The following FBXL17 variants were observed in gnomAD, a reference collection of about 807,000 sequenced individuals.
FBXL17 encodes the protein F-box and leucine rich repeat protein 17.
FBXL17 carries 22 observed loss-of-function variants against 66.2 expected under a neutral mutation model. The ratio of observed to expected loss-of-function variants is 0.33; its 90% CI spans 0.24 to 0.47. The LOEUF (loss-of-function observed/expected upper bound fraction) is 0.47. Among genes scored for constraint, FBXL17 ranks in the 20% least tolerant of loss-of-function variants. The pLI is 1.00. For synonymous variants in FBXL17, 474 were observed against 400.5 expected, an observed-to-expected ratio of 1.18 and a Z score of -2.19; for missense variants, 878 against 948.2, an observed-to-expected ratio of 0.93 and a Z score of 0.97.
chr5:108,275,570 C>CTAAT (rs1757451344), intron 4 of FBXL17, among the ~76,000 whole-genome samples: 2 of 152,138 alleles, frequency 1.3e-5, no homozygotes, highest in South Asian at 2.1e-4. Context: ...TGAACAGGAA[C>CTAAT]TAATATCAAT....
intron 7 of FBXL17, among the ~76,000 whole-genome samples, chr5:107,931,527 G>C (rs758707879): frequency 6.6e-6 from 1 of 151,402 alleles, no homozygotes; most frequent in African/African-American, 2.4e-5. Flanking sequence ...TCCTCCCAAA[G>C]TGCTGGGATT....
chr5:107,983,384 A>C (rs960261349), intron 7 of FBXL17, among the ~76,000 whole-genome samples: 4 of 151,796 alleles, frequency 2.6e-5, no homozygotes, highest in African/African-American at 9.7e-5. Context: ...AGTAGAGACA[A>C]GGTCTTGCTA....
chr5:108,255,586 C>T (rs1049778940), intron 4 of FBXL17, among the ~76,000 whole-genome samples: 5 of 152,080 alleles, frequency 3.3e-5, no homozygotes, highest in Non-Finnish European at 7.4e-5. Flanking sequence ...TAGGCTTAAT[C>T]TCAGGAGTCC....
chr5:108,025,846 C>G (rs192920373), intron 6 of FBXL17, among the ~76,000 whole-genome samples: 2 of 152,100 alleles, frequency 1.3e-5, no homozygotes, highest in South Asian at 4.1e-4. Flanking sequence ...GAAGCTCATC[C>G]CCACTAATTC....
intron 5 of FBXL17, among the ~76,000 whole-genome samples, chr5:108,207,250 GA>G (rs1754160411): frequency 6.6e-6 from 1 of 152,074 alleles, no homozygotes. Flanking sequence ...TAATTTGCAT[GA>G]AATTTCCATT....
intron 7 of FBXL17, among the ~76,000 whole-genome samples, chr5:107,890,076 G>T (rs1204087046): frequency 6.6e-6 from 1 of 152,042 alleles, no homozygotes; most frequent in South Asian, 2.1e-4. Flanking sequence ...TGTAACATTC[G>T]CTGAGAACCT....
At chr5:107,896,727 C>CT in intron 7 of FBXL17, among the ~76,000 whole-genome samples, 1 of 152,140 alleles carries the variant, frequency 6.6e-6, no homozygotes, top group East Asian at 1.9e-4. Context: ...ATACTATAGA[C>CT]TGAGGTCTGC....
chr5:108,122,293 G>T lies in FBXL17; in HGVS notation c.1745+63824C>A, dbSNP rs548113461. Among the ~76,000 whole-genome samples, 40 of 152,228 alleles carry T rather than the reference G, an allele frequency of 2.6e-4. No homozygotes were observed. The South Asian group carries it at 7.9e-3, about 30-fold the overall frequency. Reference sequence around the variant, plus strand: ...CAGGCATACAGATATTAAATAACATGCTGTTAGGTCACACAGCTAATACAT... The same window carrying T: ...CAGGCATACAGATATTAAATAACATTCTGTTAGGTCACACAGCTAATACAT... On this transcript the variant is annotated intron_variant, in intron 6 of 8. Transcript: ENST00000542267.
At chr5:108,114,409 T>C (rs540553611) in intron 6 of FBXL17, among the ~76,000 whole-genome samples, 5 of 151,520 alleles carry the variant, frequency 3.3e-5, no homozygotes, top group Admixed American at 1.3e-4. Context: ...TTGAGTGTTA[T>C]TGTTAATGAA....
At chr5:108,170,320 A>C (rs1303897986) in intron 6 of FBXL17, among the ~76,000 whole-genome samples, 1 of 152,152 alleles carries the variant, frequency 6.6e-6, no homozygotes, top group Non-Finnish European at 1.5e-5. Context: ...GGCAGGTCTG[A>C]TTAGTGTGTC....
intron 6 of FBXL17, among the ~76,000 whole-genome samples, chr5:108,077,158 GA>G (rs1748585430): frequency 1.3e-5 from 2 of 152,156 alleles, no homozygotes; most frequent in African/African-American, 4.8e-5. Context: ...TAGCCTCACT[GA>G]TATCAAAAGT....
At chr5:108,255,884 G>C (rs932583068) in intron 4 of FBXL17, among the ~76,000 whole-genome samples, 1 of 152,122 alleles carries the variant, frequency 6.6e-6, no homozygotes, top group Non-Finnish European at 1.5e-5. Context: ...CCTGGGATTC[G>C]ACTTAGGTGA....
intron 1 of FBXL17, among the ~76,000 whole-genome samples, chr5:108,378,203 T>C (rs1749578785): frequency 6.6e-6 from 1 of 152,016 alleles, no homozygotes; most frequent in African/African-American, 2.4e-5. Flanking sequence ...ACATATAGTT[T>C]AGTTTCTCTC....
chr5:108,030,745 AG>A lies in FBXL17; in HGVS notation c.1746-9745del, dbSNP rs1397082793. On this transcript the variant is annotated intron_variant, in intron 6 of 8. Coordinates refer to ENST00000542267, the MANE Select transcript of FBXL17 (RefSeq NM_001163315.3). ...GTGAAAGAAAGATTGAGAGTTCAGG[AG>A]AAATAGTTTATTATTTTCAAAAGTC... Among the ~76,000 whole-genome samples, 30 of 152,202 alleles carry A rather than the reference AG, an allele frequency of 2.0e-4. No homozygotes were observed. The South Asian group carries it at 6.2e-3, about 32-fold the overall frequency.
At chr5:107,929,800 G>T (rs1202774635) in intron 7 of FBXL17, among the ~76,000 whole-genome samples, 2 of 152,132 alleles carry the variant, frequency 1.3e-5, no homozygotes, top group Non-Finnish European at 2.9e-5. Flanking sequence ...AAATGGTTCT[G>T]TGATGACCAC....
At chr5:108,258,485 A>C (rs970344187) in intron 4 of FBXL17, among the ~76,000 whole-genome samples, 1 of 152,200 alleles carries the variant, frequency 6.6e-6, no homozygotes, top group Non-Finnish European at 1.5e-5. Context: ...GGTACGAAAG[A>C]AGCACTCAGT....
intron 5 of FBXL17, among the ~76,000 whole-genome samples, chr5:108,209,690 T>C (rs1015259581): frequency 2.6e-5 from 4 of 152,196 alleles, no homozygotes; most frequent in Non-Finnish European, 5.9e-5. Context: ...AGCTTTTTGA[T>C]GTGCTGTTGA....
chr5:108,046,230 T>C (rs1747248689), intron 6 of FBXL17, among the ~76,000 whole-genome samples: 1 of 152,210 alleles, frequency 6.6e-6, no homozygotes, highest in Non-Finnish European at 1.5e-5. Context: ...CTTGAAATTT[T>C]CTAAAATATA....
At chr5:108,048,445 C>A (rs185771120) in intron 6 of FBXL17, among the ~76,000 whole-genome samples, 45 of 152,232 alleles carry the variant, frequency 3.0e-4, no homozygotes, top group Admixed American at 2.7e-3. Flanking sequence ...CAGAACTGGG[C>A]AGAAGATGAG....
Sources: gnomAD v4.1 joint callset for allele counts (sites outside exome capture counted in the v4.1 genomes callset) on GRCh38, gnomAD v4.1.1 for gene constraint, MANE v1.5 for transcripts, NCBI Gene and HGNC (gene_info 2026-07-23, HGNC 2026-07-21) for gene names.